The following CDK6 variants were observed in gnomAD, a reference collection of about 807,000 sequenced individuals.
CDK6 encodes the protein cyclin dependent kinase 6, also known as cyclin-dependent kinase 6.
A neutral mutation model predicts 37.1 loss-of-function variants in CDK6; 6 were observed. That is an observed-to-expected ratio of 0.16 (90% CI 0.09 to 0.32). The LOEUF (loss-of-function observed/expected upper bound fraction) is 0.32. CDK6 is among the 10% of genes least tolerant of loss of function. The pLI, the probability that CDK6 is intolerant of heterozygous loss-of-function variation, is 1.00. For synonymous variants in CDK6, 160 were observed against 161.3 expected (o/e 0.99, Z 0.06); for missense variants, 224 against 418.9 (o/e 0.53, Z 4.06).
chr7:92,797,721 T>G (rs537749161), intron 2 of CDK6, among the ~76,000 whole-genome samples: 1 of 152,356 alleles, frequency 6.6e-6, no homozygotes, highest in South Asian at 2.1e-4. Flanking sequence ...GAAGAACTTC[T>G]AAAGAAATCA....
At chr7:92,730,612 A>T (rs1468816704) in intron 3 of CDK6, among the ~76,000 whole-genome samples, 1 of 152,178 alleles carries the variant, frequency 6.6e-6, no homozygotes, top group Non-Finnish European at 1.5e-5. Flanking sequence ...TACATACCTC[A>T]TACATGTGGA....
rs375219506 is a variant in CDK6 at position 92,607,136 on chromosome 7, A to G, written c.*8004T>C. 9 of 233,564 alleles carry G rather than the reference A, an allele frequency of 3.9e-5. No homozygotes were observed. The highest frequency in any genetic ancestry group is 1.8e-4 in the African/African-American group (8 of 45,350). 14.5% of individuals were successfully genotyped at this position (233,564 alleles called of 1,614,324 possible). A position where few individuals can be genotyped will look rare whatever the true frequency, so the allele number is the denominator to read the frequency against. ...TGGAAGCCTCAAGGCACAAGCTGAC[A>G]GTTCTGCTTCTACAGAAAAACTCTC... On this transcript the variant is annotated 3_prime_UTR_variant, in exon 8 of 8. Transcript: ENST00000424848.
intron 4 of CDK6, among the ~76,000 whole-genome samples, chr7:92,673,126 C>G (rs973845505): frequency 1.3e-5 from 2 of 152,186 alleles, no homozygotes; most frequent in Admixed American, 6.5e-5. Flanking sequence ...CCCTGGTTGA[C>G]AGCCCCAGTT....
chr7:92,614,565 A>C lies in CDK6; in HGVS notation c.*575T>G, dbSNP rs1237518243. 1.3e-5 allele frequency: 3 copies of C among 233,592 alleles called. No individual in the cohort carries two copies. The highest frequency in any genetic ancestry group is 2.5e-5 in the Non-Finnish European group (3 of 118,132). The allele number at this position is 233,592 out of a possible 1,614,324, so 14.5% of individuals were successfully genotyped here. On this transcript the variant is annotated 3_prime_UTR_variant, in exon 8 of 8. Coordinates refer to ENST00000424848, the MANE Select transcript of CDK6 (RefSeq NM_001145306.2). ...CATGGGGTTAACTTTCTAATTTGAG[A>C]AGACTATTTTGGTGAATCACCTTCA...
In CDK6 at chr7:92,756,619, G is replaced by A. The variant is rs562533435; in HGVS notation, c.369+18077C>T. Among the ~76,000 whole-genome samples, 20 of 152,290 alleles carry A rather than the reference G, an allele frequency of 1.3e-4. No individual in the cohort carries two copies. The South Asian group carries it at 4.1e-3, about 32-fold the overall frequency. On this transcript the variant is annotated intron_variant, in intron 3 of 7. Coordinates refer to ENST00000424848, the MANE Select transcript of CDK6 (RefSeq NM_001145306.2). ...AGAAGAGACTGCAATAACTTAAAGA[G>A]TTGTATCAGGTTCACTGTTGGTATT...
chr7:92,616,351 A>G (rs1357091486), intron 7 of CDK6, among the ~76,000 whole-genome samples: 1 of 152,208 alleles, frequency 6.6e-6, no homozygotes, highest in East Asian at 1.9e-4. Flanking sequence ...CTGACCTAGA[A>G]AAACAAATAC....
Position 92,833,174 on chromosome 7 carries a change from G to A in CDK6, c.150C>T (p.Gly50=), listed in dbSNP as rs2116032392. The change falls in exon 2 of 8, where the codon GGC becomes GGT. Residue 50 remains glycine (G), a synonymous_variant. Transcript: ENST00000424848. The surrounding 1 kb of genome is among the most constrained non-coding windows in gnomAD (Gnocchi z 6.1). The part of the protein sequence containing the change: ...VALKRVRVQT[G]EEGMPLSTIR... Reference sequence around the variant, plus strand: ...TGGTGGAGAGCGGCATGCCCTCCTCGCCGGTCTGCACCCGCACGCGCTTCA... The same window carrying A: ...TGGTGGAGAGCGGCATGCCCTCCTCACCGGTCTGCACCCGCACGCGCTTCA... 1 of 1,608,892 alleles carries A rather than the reference G, an allele frequency of 6.2e-7. No homozygotes were observed. The highest frequency in any genetic ancestry group is 1.1e-5 in the South Asian group (1 of 89,926).
intron 3 of CDK6, among the ~76,000 whole-genome samples, chr7:92,747,348 C>T (rs779875140): frequency 2.0e-5 from 3 of 152,138 alleles, no homozygotes; most frequent in African/African-American, 2.4e-5. Flanking sequence ...TTCTCCTAAA[C>T]GAGCACACTG....
intron 5 of CDK6, among the ~76,000 whole-genome samples, chr7:92,649,582 TG>T (rs1796527867): frequency 6.6e-6 from 1 of 152,258 alleles, no homozygotes; most frequent in Admixed American, 6.5e-5. Context: ...TTCCAATTGA[TG>T]TGCTACAATG....
chr7:92,681,834 C>G (rs1433691751), intron 4 of CDK6, among the ~76,000 whole-genome samples: 2 of 152,170 alleles, frequency 1.3e-5, no homozygotes, highest in African/African-American at 2.4e-5. Context: ...TGCCTGTCCC[C>G]ACCCCCGCTC....
chr7:92,712,225 G>A (rs1386028461), intron 4 of CDK6, among the ~76,000 whole-genome samples: 1 of 151,686 alleles, frequency 6.6e-6, no homozygotes, highest in East Asian at 1.9e-4. Flanking sequence ...TGCTACAAAG[G>A]GAATGTGGAA....
chr7:92,606,427 A>C lies in CDK6; in HGVS notation c.*8713T>G, dbSNP rs767538782. On this transcript the variant is annotated 3_prime_UTR_variant, in exon 8 of 8. Coordinates refer to ENST00000424848, the MANE Select transcript of CDK6 (RefSeq NM_001145306.2). Reference sequence around the variant, plus strand: ...GTCCATGATGTGGAGGAAGATGGAGAGCACCATGTGGACAAGCCAGGATGG... The same window carrying C: ...GTCCATGATGTGGAGGAAGATGGAGCGCACCATGTGGACAAGCCAGGATGG... The C allele has an allele frequency of 2.1e-5, 5 of 233,324 alleles. No individual in the cohort carries two copies. The highest frequency in any genetic ancestry group is 3.4e-5 in the Non-Finnish European group (4 of 118,198). 14.5% of individuals were successfully genotyped at this position (233,324 alleles called of 1,614,324 possible).
At chr7:92,675,601 G>T (rs1446798115) in intron 4 of CDK6, among the ~76,000 whole-genome samples, 1 of 152,054 alleles carries the variant, frequency 6.6e-6, no homozygotes, top group Non-Finnish European at 1.5e-5. Context: ...TTCATGTTTT[G>T]TTATCAGGGA....
intron 2 of CDK6, among the ~76,000 whole-genome samples, chr7:92,779,565 G>A (rs1799935453): frequency 6.6e-6 from 1 of 152,148 alleles, no homozygotes; most frequent in Admixed American, 6.5e-5. Flanking sequence ...GCATATTAGA[G>A]ACTTCTCAGA....
chr7:92,799,176 A>G (rs1466344943), intron 2 of CDK6, among the ~76,000 whole-genome samples: 1 of 152,178 alleles, frequency 6.6e-6, no homozygotes, highest in Admixed American at 6.5e-5. Flanking sequence ...TTTGTGCTAC[A>G]GTTTCTACAC....
At chr7:92,710,664 T>C (rs968134567) in intron 4 of CDK6, 34 of 977,226 alleles carry the variant, frequency 3.5e-5, no homozygotes, top group Non-Finnish European at 4.1e-5. Context: ...TGATTACCAG[T>C]AATGAAGTTA....
intron 2 of CDK6, among the ~76,000 whole-genome samples, chr7:92,793,923 G>T (rs1252864738): frequency 6.6e-6 from 1 of 152,016 alleles, no homozygotes; most frequent in African/African-American, 2.4e-5. Context: ...GAATGAAAAG[G>T]TTCTAAAATC....
chr7:92,794,274 A>G (rs2115869944), intron 2 of CDK6, among the ~76,000 whole-genome samples: 1 of 152,256 alleles, frequency 6.6e-6, no homozygotes, highest in Non-Finnish European at 1.5e-5. Context: ...TACAGGTACC[A>G]TCATCTCTTT....
chr7:92,833,438 C>T lies in CDK6; in HGVS notation c.-115G>A. On this transcript the variant is annotated 5_prime_UTR_variant, in exon 2 of 8. Transcript: ENST00000424848. This position sits in a 1 kb window ranked among gnomAD's most constrained non-coding sequence, Gnocchi z 6.1. ...CTCCCCGGAGATCGGTCTAGCTTTA[C>T]TTGCTCCCCGCCGGCTCAGGCGCTC... 1.4e-6 allele frequency: 1 copy of T among 714,902 alleles called. No homozygotes were observed. The highest frequency in any genetic ancestry group is 2.2e-6 in the Non-Finnish European group (1 of 455,348). 44.3% of individuals were successfully genotyped at this position (714,902 alleles called of 1,614,324 possible).
Sources: gnomAD v4.1 joint callset for allele counts (sites outside exome capture counted in the v4.1 genomes callset) on GRCh38, gnomAD v4.1.1 for gene constraint, Gnocchi (gnomAD v3.1) non-coding constraint, MANE v1.5 for transcripts, NCBI Gene and HGNC (gene_info 2026-07-23, HGNC 2026-07-21) for gene names.